Variants in RABGAP1 observed in about 807,000 individuals in gnomAD.
RABGAP1 encodes RAB GTPase activating protein 1, also known as rab GTPase-activating protein 1.
RABGAP1 carries 23 observed loss-of-function variants against 137.6 expected under a neutral mutation model. The observed-to-expected ratio is 0.17, with a 90% CI of 0.12 to 0.24. The LOEUF (loss-of-function observed/expected upper bound fraction) is 0.24, where lower values mean the gene tolerates loss of function less well. Ranked by LOEUF, RABGAP1 falls within the 10% of genes least tolerant of loss-of-function variation. The pLI is 1.00. For missense variants in RABGAP1, 906 were observed against 1,275.8 expected, an observed-to-expected ratio of 0.71 and a Z score of 4.42; for synonymous variants, 451 against 450.7, an observed-to-expected ratio of 1.00 and a Z score of -0.01.
At chr9:122,980,401 T>TGCTTG (rs750772378) in intron 2 of RABGAP1, among the ~76,000 whole-genome samples, 1 of 152,184 alleles carries the variant, frequency 6.6e-6, no homozygotes, top group Non-Finnish European at 1.5e-5. Context: ...CAGGCCACTG[T>TGCTTG]GCTTGGCTTG....
Position 123,103,404 on chromosome 9 carries a change from A to T in RABGAP1, c.*191A>T. The T allele has an allele frequency of 1.3e-6, 1 of 767,290 alleles. No individual in the cohort carries two copies. The highest frequency in any genetic ancestry group is 1.9e-5 in the South Asian group (1 of 53,386). 47.5% of individuals were successfully genotyped at this position (767,290 alleles called of 1,614,324 possible). ...CCTCTGGGGTAAGACTACTGATACT[A>T]ACAGGCCTGCTAGCTCAGCCGACGC... On this transcript the variant is annotated 3_prime_UTR_variant, in exon 26 of 26. Transcript: ENST00000373647.
At chr9:123,018,896 C>T (rs1009152606) in intron 12 of RABGAP1, among the ~76,000 whole-genome samples, 9 of 152,180 alleles carry the variant, frequency 5.9e-5, no homozygotes, top group Non-Finnish European at 1.3e-4. Context: ...GTTTTATTGA[C>T]TCAGTAATGG....
intron 24 of RABGAP1, 98 bp downstream of exon 24, chr9:123,099,647 G>T: frequency 9.7e-7 from 1 of 1,033,466 alleles, no homozygotes; most frequent in East Asian, 2.5e-5. Flanking sequence ...TCAAAAGTGA[G>T]AGAATCTAAG....
At chr9:123,073,235 T>G (rs1481574596) in intron 15 of RABGAP1, among the ~76,000 whole-genome samples, 1 of 152,236 alleles carries the variant, frequency 6.6e-6, no homozygotes, top group Non-Finnish European at 1.5e-5. Flanking sequence ...TCTGACTGCC[T>G]TAGGCAGATA....
rs780216187 is a variant in RABGAP1, at chr9:123,035,414, G to A, written c.1794+14955G>A. On this transcript the variant is annotated intron_variant, in intron 13 of 25. Coordinates refer to ENST00000373647, the MANE Select transcript of RABGAP1 (RefSeq NM_012197.4). ...GAAAGCTCCACTGGCCACAGCAACC[G>A]CTTCGCATCCTTCTTGACCACCTGG... 279 of 1,614,006 alleles carry A rather than the reference G, an allele frequency of 1.7e-4. No individual in the cohort carries two copies. The highest frequency in any genetic ancestry group is 2.2e-4 in the Non-Finnish European group (262 of 1,180,018).
In RABGAP1 at chr9:123,073,777, C is replaced by T. The variant is rs536850077; in HGVS notation, c.2109+100C>T. On this transcript the variant is annotated intron_variant, in intron 16 of 25. Coordinates refer to ENST00000373647, the MANE Select transcript of RABGAP1 (RefSeq NM_012197.4). Reference sequence around the variant, plus strand: ...CAGGGAGCATTGGTAATTGCCTTAGCGATCCGTGGCTAAGGATGGGTTTCA... The same window carrying T: ...CAGGGAGCATTGGTAATTGCCTTAGTGATCCGTGGCTAAGGATGGGTTTCA... The T allele has an allele frequency of 4.7e-5, 69 of 1,465,054 alleles. 2 individuals carry two copies. The highest frequency in any genetic ancestry group is 3.4e-4 in the East Asian group (15 of 43,740). 90.8% of individuals were successfully genotyped at this position (1,465,054 alleles called of 1,614,324 possible). A position where few individuals can be genotyped will look rare whatever the true frequency, so the allele number is the denominator to read the frequency against.
chr9:123,034,593 G>C (rs747176566), intron 13 of RABGAP1: 2 of 1,609,708 alleles, frequency 1.2e-6, no homozygotes, highest in Non-Finnish European at 1.7e-6. Flanking sequence ...ATGGTAATCA[G>C]AGCAGCCACC....
In RABGAP1 at chr9:122,989,387, G is replaced by T. The variant is rs1339598595; in HGVS notation, c.681G>T (p.Glu227Asp). Residue 227 changes from glutamate to aspartate, a missense_variant, in exon 5 of 26, where the codon GAG becomes GAT. Transcript: ENST00000373647. ...FCVRGHDGTP[E>D]SDCFAFTESH... Reference sequence around the variant, plus strand: ...TCAGAGGGCATGATGGAACTCCTGAGAGTGACTGTTTTGCTTTCACTGAAA... The same window carrying T: ...TCAGAGGGCATGATGGAACTCCTGATAGTGACTGTTTTGCTTTCACTGAAA... 1 of 1,613,870 alleles carries T rather than the reference G, an allele frequency of 6.2e-7. No individual in the cohort carries two copies. The highest frequency in any genetic ancestry group is 8.5e-7 in the Non-Finnish European group (1 of 1,179,956).
intron 13 of RABGAP1, among the ~76,000 whole-genome samples, chr9:123,044,454 T>G (rs2033107931): frequency 6.6e-6 from 1 of 152,214 alleles, no homozygotes; most frequent in Non-Finnish European, 1.5e-5. Context: ...AATGGAGTTT[T>G]GGGTCTTTAA....
chr9:123,042,650 G>A (rs1194727829), intron 13 of RABGAP1, among the ~76,000 whole-genome samples: 1 of 152,142 alleles, frequency 6.6e-6, no homozygotes, highest in Non-Finnish European at 1.5e-5. Context: ...AAACAAAAAG[G>A]CAGAGAGACA....
intron 14 of RABGAP1, among the ~76,000 whole-genome samples, chr9:123,069,991 A>G (rs1007209385): frequency 3.9e-5 from 6 of 152,212 alleles, no homozygotes; most frequent in African/African-American, 1.2e-4. Flanking sequence ...GGGAATTGAA[A>G]TAAGTTTGGT....
At chr9:123,071,232 T>C (rs1345313238) in intron 15 of RABGAP1, among the ~76,000 whole-genome samples, 1 of 152,254 alleles carries the variant, frequency 6.6e-6, no homozygotes, top group East Asian at 1.9e-4. Context: ...TAGCTTTTTT[T>C]CTAATCAAGA....
intron 2 of RABGAP1, among the ~76,000 whole-genome samples, chr9:122,958,463 T>C (rs1834662071): frequency 6.6e-6 from 1 of 152,128 alleles, no homozygotes; most frequent in South Asian, 2.1e-4. Flanking sequence ...TTATGATTGT[T>C]CCTTGACTTT....
At chr9:122,977,698 A>C (rs1415468649) in intron 2 of RABGAP1, among the ~76,000 whole-genome samples, 4 of 152,082 alleles carry the variant, frequency 2.6e-5, no homozygotes, top group Admixed American at 2.6e-4. Flanking sequence ...GCAGAATGAG[A>C]CTGTGTCTCA....
intron 13 of RABGAP1, among the ~76,000 whole-genome samples, chr9:123,026,735 A>T (rs2031992356): frequency 1.3e-5 from 2 of 152,310 alleles, no homozygotes; most frequent in South Asian, 4.2e-4. Context: ...GGAGTTGAAA[A>T]TGAAGGGGAA....
At chr9:123,084,169 A>G (rs541803632) in intron 19 of RABGAP1, among the ~76,000 whole-genome samples, 9 of 152,346 alleles carry the variant, frequency 5.9e-5, no homozygotes, top group Non-Finnish European at 8.8e-5. Flanking sequence ...ACTCATCTCA[A>G]TAAGTTGTTT....
chr9:122,972,640 G>A (rs888219816), intron 2 of RABGAP1, among the ~76,000 whole-genome samples: 1 of 152,156 alleles, frequency 6.6e-6, no homozygotes, highest in African/African-American at 2.4e-5. Context: ...AGGTGCTGTA[G>A]AGATTCTCTG....
intron 13 of RABGAP1, among the ~76,000 whole-genome samples, chr9:123,041,150 A>G (rs1251952538): frequency 6.6e-6 from 1 of 152,202 alleles, no homozygotes; most frequent in Non-Finnish European, 1.5e-5. Context: ...GGAGAATTTT[A>G]TAAACTTTAT....
At chr9:122,965,958 GAGA>G (rs1356792500) in intron 2 of RABGAP1, among the ~76,000 whole-genome samples, 1 of 152,124 alleles carries the variant, frequency 6.6e-6, no homozygotes, top group Non-Finnish European at 1.5e-5. Context: ...ATGAGGTAAA[GAGA>G]AGTAGATGAT....
Sources: allele counts gnomAD v4.1 joint callset (sites outside exome capture counted in the v4.1 genomes callset), GRCh38; gene constraint gnomAD v4.1.1; transcripts MANE v1.5; gene names NCBI Gene and HGNC (gene_info 2026-07-23, HGNC 2026-07-21).